The following HCN1 variants were observed in gnomAD, a reference collection of about 807,000 sequenced individuals.
HCN1 encodes the protein hyperpolarization activated cyclic nucleotide gated potassium channel 1.
Under a neutral mutation model 78.9 loss-of-function variants are expected in HCN1, and 13 were observed. The ratio of observed to expected loss-of-function variants is 0.16; its 90% CI spans 0.11 to 0.26. The LOEUF (loss-of-function observed/expected upper bound fraction) is 0.26. HCN1 is among the 10% of genes least tolerant of loss of function. The probability of loss-of-function intolerance (pLI) is 1.00; values close to 1 mark genes in which losing one functional copy is unlikely to be tolerated. For missense variants in HCN1, 810 were observed against 1,154.3 expected, an observed-to-expected ratio of 0.70 and a Z score of 4.32; for synonymous variants, 552 against 455.5, an observed-to-expected ratio of 1.21 and a Z score of -2.70.
At chr5:45,482,422 C>T (rs568629646) in intron 2 of HCN1, among the ~76,000 whole-genome samples, 28 of 152,114 alleles carry the variant, frequency 1.8e-4, no homozygotes, top group African/African-American at 6.0e-4. Context: ...AGATTGATCC[C>T]CTTAACATCC....
At chr5:45,530,476 A>G (rs1742820212) in intron 2 of HCN1, among the ~76,000 whole-genome samples, 1 of 150,896 alleles carries the variant, frequency 6.6e-6, no homozygotes, top group Admixed American at 6.6e-5. Context: ...TTTGAGTGGC[A>G]AAACTATTGG....
At chr5:45,452,793 A>C (rs1267517642) in intron 3 of HCN1, among the ~76,000 whole-genome samples, 1 of 152,022 alleles carries the variant, frequency 6.6e-6, no homozygotes, top group East Asian at 1.9e-4. Context: ...TTCATCATAA[A>C]ATTTACTCAT....
intron 3 of HCN1, among the ~76,000 whole-genome samples, chr5:45,417,170 T>G (rs1740135116): frequency 6.6e-6 from 1 of 151,978 alleles, no homozygotes; most frequent in South Asian, 2.1e-4. Context: ...GCAGATTGTT[T>G]ATTTTCAAGA....
chr5:45,666,001 A>G (rs185177075), intron 1 of HCN1, among the ~76,000 whole-genome samples: 94 of 152,076 alleles, frequency 6.2e-4, no homozygotes, highest in African/African-American at 2.2e-3. Context: ...AGTACTTGTA[A>G]TACTCTCCCC....
At chr5:45,446,359 C>G (rs1427251559) in intron 3 of HCN1, among the ~76,000 whole-genome samples, 2 of 152,112 alleles carry the variant, frequency 1.3e-5, no homozygotes, top group African/African-American at 2.4e-5. Flanking sequence ...AAGAAACGAA[C>G]AAAGCCTCCA....
At chr5:45,560,350 A>C (rs1290429443) in intron 2 of HCN1, among the ~76,000 whole-genome samples, 1 of 152,094 alleles carries the variant, frequency 6.6e-6, no homozygotes, top group Non-Finnish European at 1.5e-5. Flanking sequence ...GAGGAAAGTG[A>C]TTAAGCAAAA....
chr5:45,595,257 T>C (rs999422066), intron 2 of HCN1, among the ~76,000 whole-genome samples: 3 of 152,190 alleles, frequency 2.0e-5, no homozygotes, highest in African/African-American at 7.2e-5. Flanking sequence ...CCCAGCTGGG[T>C]TACCTCACTT....
chr5:45,647,694 C>A (rs1745578622), intron 1 of HCN1, among the ~76,000 whole-genome samples: 2 of 152,108 alleles, frequency 1.3e-5, no homozygotes, highest in Non-Finnish European at 2.9e-5. Flanking sequence ...TCTCAAACAG[C>A]ATGCCTAAGC....
At chr5:45,393,470 G>T (rs1002171181) in intron 4 of HCN1, among the ~76,000 whole-genome samples, 2 of 152,092 alleles carry the variant, frequency 1.3e-5, no homozygotes, top group African/African-American at 4.8e-5. Context: ...ATCTAGAAAA[G>T]AAAGTGACCA....
chr5:45,587,037 A>C (rs1251646084), intron 2 of HCN1, among the ~76,000 whole-genome samples: 6 of 152,208 alleles, frequency 3.9e-5, no homozygotes, highest in Non-Finnish European at 7.3e-5. Flanking sequence ...CTTCTAAAAA[A>C]GTCAGGAAAC....
chr5:45,645,513 G>A lies in HCN1; in HGVS notation c.521C>T (p.Pro174Leu). 1.2e-6 allele frequency: 2 copies of A among 1,612,490 alleles called. No individual in the cohort carries two copies. The highest frequency in any genetic ancestry group is 1.7e-6 in the Non-Finnish European group (2 of 1,178,944). The change falls in exon 2 of 8, where the codon CCA becomes CTA. Residue 174 changes from proline to leucine, a missense_variant. Transcript: ENST00000303230. ...ITFFTEQTTT[P>L]WIIFNVASDT... ...TGATGCCACATTGAAAATAATCCAT[G>A]GTGTTGTTGTTTGCTCTGTAAAGAA...
At chr5:45,272,842 A>C (rs1255408929) in intron 6 of HCN1, among the ~76,000 whole-genome samples, 1 of 152,104 alleles carries the variant, frequency 6.6e-6, no homozygotes, top group African/African-American at 2.4e-5. Flanking sequence ...AAAGCAAATA[A>C]AGTTAAATAC....
intron 2 of HCN1, chr5:45,642,413 C>G (rs1368620298): frequency 6.6e-6 from 1 of 151,816 alleles, no homozygotes; most frequent in Non-Finnish European, 1.5e-5. Context: ...TATCTGGCAT[C>G]AGGGCTTCTT....
intron 1 of HCN1, among the ~76,000 whole-genome samples, chr5:45,665,083 T>C (rs1039532269): frequency 6.6e-6 from 1 of 151,052 alleles, no homozygotes; most frequent in African/African-American, 2.4e-5. Flanking sequence ...ATTAAGAAAA[T>C]GTGGCACATA....
chr5:45,398,127 G>C (rs980410492), intron 3 of HCN1, among the ~76,000 whole-genome samples: 2 of 151,866 alleles, frequency 1.3e-5, no homozygotes, highest in Non-Finnish European at 2.9e-5. Context: ...ATTTGGAGCT[G>C]ATGATTTTCA....
At chr5:45,501,742 A>C (rs927145610) in intron 2 of HCN1, among the ~76,000 whole-genome samples, 1 of 152,136 alleles carries the variant, frequency 6.6e-6, no homozygotes, top group African/African-American at 2.4e-5. Flanking sequence ...GCCCAGCCAC[A>C]AATTTCACAT....
chr5:45,286,851 T>C (rs1204215895), intron 6 of HCN1, among the ~76,000 whole-genome samples: 1 of 152,056 alleles, frequency 6.6e-6, no homozygotes, highest in African/African-American at 2.4e-5. Flanking sequence ...AAGTTTAATA[T>C]ACACTGAAAA....
chr5:45,640,479 A>T (rs1003152743), intron 2 of HCN1, among the ~76,000 whole-genome samples: 3 of 152,168 alleles, frequency 2.0e-5, no homozygotes, highest in African/African-American at 7.2e-5. Flanking sequence ...GAACAAATGC[A>T]TGTAGAGCCA....
intron 6 of HCN1, among the ~76,000 whole-genome samples, chr5:45,293,996 G>A (rs1204940779): frequency 1.3e-5 from 2 of 151,890 alleles, no homozygotes; most frequent in East Asian, 1.9e-4. Flanking sequence ...GAGATTAATC[G>A]TTCTTTCCTA....
Sources: allele counts gnomAD v4.1 joint callset (sites outside exome capture counted in the v4.1 genomes callset), GRCh38; gene constraint gnomAD v4.1.1; transcripts MANE v1.5; gene names NCBI Gene and HGNC (gene_info 2026-07-23, HGNC 2026-07-21).